FNDC3A: variants seen among roughly 807,000 people sequenced by gnomAD.
The protein encoded by FNDC3A is fibronectin type-III domain-containing protein 3A.
A neutral mutation model predicts 148.9 loss-of-function variants in FNDC3A; 32 were observed. That is an observed-to-expected ratio of 0.21 (90% CI 0.16 to 0.29). The LOEUF is 0.29. Ranked by LOEUF, FNDC3A falls within the 10% of genes least tolerant of loss-of-function variation. FNDC3A has a pLI of 1.00. For missense variants in FNDC3A, 1,191 were observed against 1,452.8 expected, an observed-to-expected ratio of 0.82 and a Z score of 2.93; for synonymous variants, 472 against 473.6, an observed-to-expected ratio of 1.00 and a Z score of 0.04.
At chr13:49,140,347 A>T (rs896513678) in intron 7 of FNDC3A, among the ~76,000 whole-genome samples, 2 of 152,064 alleles carry the variant, frequency 1.3e-5, no homozygotes, top group Non-Finnish European at 2.9e-5. Flanking sequence ...TAAATAAATA[A>T]ATATATATAT....
At chr13:49,122,881 C>T (rs891252761) in intron 4 of FNDC3A, among the ~76,000 whole-genome samples, 1 of 152,108 alleles carries the variant, frequency 6.6e-6, no homozygotes, top group Non-Finnish European at 1.5e-5. Context: ...ATTCCATGCT[C>T]GTGGATAGGA....
At chr13:49,110,351 T>A (rs760385998) in intron 3 of FNDC3A, 24 of 1,611,476 alleles carry the variant, frequency 1.5e-5, no homozygotes, top group Non-Finnish European at 1.7e-5. Flanking sequence ...TGTACTACGC[T>A]GTTTCCTTGT....
At chr13:49,087,860 C>T (rs146622800) in intron 3 of FNDC3A, among the ~76,000 whole-genome samples, 157 of 152,036 alleles carry the variant, frequency 1.0e-3, no homozygotes, top group African/African-American at 3.5e-3. Context: ...AACATTTATG[C>T]AGTCGGTTAT....
At chr13:49,053,923 G>C (rs1876038812) in intron 2 of FNDC3A, among the ~76,000 whole-genome samples, 2 of 152,200 alleles carry the variant, frequency 1.3e-5, no homozygotes, top group Non-Finnish European at 2.9e-5. Flanking sequence ...AACATATTTT[G>C]AGGTAAAATA....
At chr13:49,094,791 A>G (rs968663051) in intron 3 of FNDC3A, among the ~76,000 whole-genome samples, 6 of 152,160 alleles carry the variant, frequency 3.9e-5, no homozygotes, top group Non-Finnish European at 8.8e-5. Context: ...GGACACTTAC[A>G]GGGTGAGCCT....
In FNDC3A at chr13:49,043,485, A is replaced by C. The variant is rs371389274; in HGVS notation, c.100-31804A>C. 2.0e-5 allele frequency among the ~76,000 whole-genome samples: 3 copies of C among 152,332 alleles called. No individual in the cohort carries two copies. The East Asian group carries it at 5.8e-4, about 29-fold the overall frequency. ...TGTTCTTTCCGAGACCATTTAGGTCAAACTAATTGATAATGTTGTTCTGAT... is the reference window on the plus strand; with the variant it reads ...TGTTCTTTCCGAGACCATTTAGGTCCAACTAATTGATAATGTTGTTCTGAT... On this transcript the variant is annotated intron_variant, in intron 2 of 25. Transcript: ENST00000492622.
chr13:49,045,470 TA>T (rs370239077), intron 2 of FNDC3A: 193 of 192,766 alleles, frequency 1.0e-3, no homozygotes, highest in Middle Eastern at 6.3e-3. Context: ...CTACTTTCAT[TA>T]AAAAAAAATC....
At chr13:48,982,900 C>T (rs1951720798) in intron 1 of FNDC3A, among the ~76,000 whole-genome samples, 1 of 152,138 alleles carries the variant, frequency 6.6e-6, no homozygotes, top group South Asian at 2.1e-4. Context: ...TAGTAGCTAT[C>T]TCCTAATATA....
chr13:49,071,358 G>A (rs1242933647), intron 2 of FNDC3A, among the ~76,000 whole-genome samples: 1 of 152,076 alleles, frequency 6.6e-6, no homozygotes, highest in African/African-American at 2.4e-5. Context: ...ATATCTCTTT[G>A]ATATACTGAT....
intron 4 of FNDC3A, among the ~76,000 whole-genome samples, chr13:49,114,941 G>C (rs953934011): frequency 1.3e-5 from 2 of 152,018 alleles, no homozygotes; most frequent in African/African-American, 4.8e-5. Flanking sequence ...CCTTGTCTTT[G>C]GGTGTTAAGT....
At chr13:49,170,557 A>G (rs1884702519) in intron 10 of FNDC3A, among the ~76,000 whole-genome samples, 1 of 152,186 alleles carries the variant, frequency 6.6e-6, no homozygotes. Context: ...CCCCCAAGGC[A>G]GACTATCTAC....
At chr13:49,113,786 A>T (rs1215402178) in intron 3 of FNDC3A, among the ~76,000 whole-genome samples, 1 of 152,160 alleles carries the variant, frequency 6.6e-6, no homozygotes, top group Non-Finnish European at 1.5e-5. Context: ...AAGGAACTGA[A>T]GGGGGGTAAG....
intron 1 of FNDC3A, among the ~76,000 whole-genome samples, chr13:48,991,704 G>GAA (rs879353436): frequency 1.4e-5 from 2 of 146,746 alleles, no homozygotes; most frequent in East Asian, 2.0e-4. Context: ...AAGAAAAAAG[G>GAA]AAAAAAAAAA....
intron 3 of FNDC3A, among the ~76,000 whole-genome samples, chr13:49,105,653 T>G (rs1880128346): frequency 6.6e-6 from 1 of 152,218 alleles, no homozygotes; most frequent in Non-Finnish European, 1.5e-5. Flanking sequence ...GAATACCTGA[T>G]CATCCCCAAA....
intron 25 of FNDC3A, among the ~76,000 whole-genome samples, chr13:49,203,863 C>T (rs764338186): frequency 2.6e-5 from 4 of 151,968 alleles, no homozygotes; most frequent in Non-Finnish European, 4.4e-5. Context: ...TTGATAAGGT[C>T]GGATAGTTAA....
intron 1 of FNDC3A, among the ~76,000 whole-genome samples, chr13:49,002,273 T>G (rs1952140460): frequency 6.6e-6 from 1 of 152,186 alleles, no homozygotes. Context: ...CTTCCACCAT[T>G]GAGTGTGATC....
In FNDC3A at chr13:49,178,573, T is replaced by C. The variant is rs1885149721; in HGVS notation, c.1536T>C (p.Tyr512=). The C allele has an allele frequency of 1.3e-6, 2 of 1,589,498 alleles. No homozygotes were observed. Among genetic ancestry groups the C allele is most frequent in the Non-Finnish European group, 8.6e-7 (1 of 1,163,788 alleles). The stretch of plus-strand genomic sequence containing the variant: ...TTTGTTTTTTCCTTTTCCAGGGATA[T>C]GGTTTTAAGCCTAAATATGATGGAG... The part of the protein sequence containing the change: ...ILEMEEETSG[Y]GFKPKYDGED... The change falls in exon 14 of 26, where the codon TAT becomes TAC. Residue 512 remains tyrosine, a synonymous_variant. Transcript: ENST00000492622.
At chr13:49,145,676 CAGATA>C in intron 7 of FNDC3A, 97 bp from the exon 8 acceptor site, 1 of 912,076 alleles carries the variant, frequency 1.1e-6, no homozygotes, top group South Asian at 1.5e-5. Flanking sequence ...TCTATATAAA[CAGATA>C]CATTTTATTT....
intron 1 of FNDC3A, among the ~76,000 whole-genome samples, chr13:48,977,394 G>A (rs772324159): frequency 4.6e-5 from 7 of 152,146 alleles, no homozygotes; most frequent in Non-Finnish European, 1.0e-4. Context: ...CTAAACATAC[G>A]CCACTCAGGA....
Sources: gnomAD v4.1 joint callset for allele counts (sites outside exome capture counted in the v4.1 genomes callset) on GRCh38, gnomAD v4.1.1 for gene constraint, MANE v1.5 for transcripts, NCBI Gene and HGNC (gene_info 2026-07-23, HGNC 2026-07-21) for gene names.